Variants in TNFAIP8 observed in about 807,000 individuals in gnomAD.
TNFAIP8 encodes tumor necrosis factor alpha-induced protein 8.
Under a neutral mutation model 13.3 loss-of-function variants are expected in TNFAIP8, and 7 were observed. The observed-to-expected ratio is 0.52, with a 90% CI of 0.30 to 0.99. The LOEUF (loss-of-function observed/expected upper bound fraction) is 0.99. Among genes scored for constraint, TNFAIP8 ranks in the 50% least tolerant of loss-of-function variants. The probability of loss-of-function intolerance (pLI) is 0.07; values close to 1 mark genes in which losing one functional copy is unlikely to be tolerated. For missense variants in TNFAIP8, 258 were observed against 236.9 expected, an observed-to-expected ratio of 1.09 and a Z score of -0.58; for synonymous variants, 94 against 87.6, an observed-to-expected ratio of 1.07 and a Z score of -0.41.
At chr5:119,290,054 T>A (rs1036344307) in intron 1 of TNFAIP8, among the ~76,000 whole-genome samples, 3 of 152,106 alleles carry the variant, frequency 2.0e-5, no homozygotes, top group Non-Finnish European at 4.4e-5. Flanking sequence ...AGTTGAAAAA[T>A]GTTAAAGAAA....
intron 1 of TNFAIP8, among the ~76,000 whole-genome samples, chr5:119,377,483 G>A (rs1161920040): frequency 6.6e-6 from 1 of 152,106 alleles, no homozygotes; most frequent in African/African-American, 2.4e-5. Context: ...CTGCCATAAG[G>A]CTCTTGACTG....
At chr5:119,295,694 G>A (rs1581579723) in intron 1 of TNFAIP8, among the ~76,000 whole-genome samples, 1 of 152,234 alleles carries the variant, frequency 6.6e-6, no homozygotes, top group East Asian at 1.9e-4. Flanking sequence ...GATGGGGATG[G>A]CATTGAATCT....
At chr5:119,374,841 T>G (rs1308500057) in intron 1 of TNFAIP8, among the ~76,000 whole-genome samples, 1 of 152,190 alleles carries the variant, frequency 6.6e-6, no homozygotes, top group Non-Finnish European at 1.5e-5. Context: ...GAAATGTGAA[T>G]TTTTATTGAA....
chr5:119,356,918 A>G (rs1751450181), intron 1 of TNFAIP8, among the ~76,000 whole-genome samples: 1 of 152,110 alleles, frequency 6.6e-6, no homozygotes, highest in Non-Finnish European at 1.5e-5. Flanking sequence ...GGTGGGAGTA[A>G]GGGTGGTTGG....
chr5:119,286,344 T>C (rs59758980), intron 1 of TNFAIP8, among the ~76,000 whole-genome samples: 1,548 of 152,186 alleles, frequency 0.01, 17 homozygotes, highest in African/African-American at 0.035. Context: ...AAGTCCCGGT[T>C]GGCACGGTGG....
intron 1 of TNFAIP8, among the ~76,000 whole-genome samples, chr5:119,294,898 C>T (rs28566911): frequency 0.25 from 37,148 of 150,262 alleles, 4,749 homozygotes; most frequent in East Asian, 0.38. Context: ...GATTGTTTTT[C>T]TCTTGTAAAT....
At chr5:119,390,812 A>C (rs1018108163) in intron 1 of TNFAIP8, among the ~76,000 whole-genome samples, 1 of 151,736 alleles carries the variant, frequency 6.6e-6, no homozygotes, top group Admixed American at 6.6e-5. Context: ...CTTTTCCTCA[A>C]TTTTATTTAA....
chr5:119,280,694 A>G (rs1043845136), intron 1 of TNFAIP8, among the ~76,000 whole-genome samples: 8 of 152,224 alleles, frequency 5.3e-5, no homozygotes, highest in African/African-American at 1.9e-4. Context: ...AGTGGGGGCA[A>G]TTGCAGAATG....
rs1182040170 is a variant in TNFAIP8, at chr5:119,393,528, T to C, written c.*147T>C. The C allele has an allele frequency of 6.8e-6, 6 of 878,940 alleles. No homozygotes were observed. Among genetic ancestry groups the C allele is most frequent in the African/African-American group, 1.7e-5 (1 of 59,040 alleles). 54.4% of individuals were successfully genotyped at this position (878,940 alleles called of 1,614,324 possible). On this transcript the variant is annotated 3_prime_UTR_variant, in exon 2 of 2. Coordinates refer to ENST00000504771, the MANE Select transcript of TNFAIP8 (RefSeq NM_014350.4). The stretch of plus-strand genomic sequence containing the variant: ...TCAGTTGTCAGACATAATGATTTAT[T>C]TGAAGGCTTGTTTTATTTGAAGAAA...
At chr5:119,354,078 T>C (rs532836182), upstream of TNFAIP8, among the ~76,000 whole-genome samples, 5 of 152,296 alleles carry the variant, frequency 3.3e-5, no homozygotes, top group South Asian at 2.1e-4. Context: ...AAAAGCCACT[T>C]GTGACTGGTG....
At chr5:119,330,908 A>G (rs72786141) in intron 1 of TNFAIP8, among the ~76,000 whole-genome samples, 14,385 of 151,772 alleles carry the variant, frequency 0.095, 780 homozygotes, top group African/African-American at 0.16. Flanking sequence ...GTTAGGGGTT[A>G]GGGTACAGAT....
chr5:119,297,899 G>A (rs1749229112), intron 1 of TNFAIP8, among the ~76,000 whole-genome samples: 1 of 152,100 alleles, frequency 6.6e-6, no homozygotes, highest in Non-Finnish European at 1.5e-5. Context: ...TTGGTTTAAA[G>A]TCTGTTTTAT....
chr5:119,293,676 C>A (rs539770020), intron 1 of TNFAIP8, among the ~76,000 whole-genome samples: 1 of 152,134 alleles, frequency 6.6e-6, no homozygotes, highest in East Asian at 1.9e-4. Context: ...TGTACACTTA[C>A]AATGATAAAT....
chr5:119,327,939 C>G (rs1750272598), intron 1 of TNFAIP8, among the ~76,000 whole-genome samples: 1 of 151,906 alleles, frequency 6.6e-6, no homozygotes, highest in Non-Finnish European at 1.5e-5. Context: ...AATACATGAG[C>G]TTAAGAAAAG....
intron 1 of TNFAIP8, among the ~76,000 whole-genome samples, chr5:119,362,490 C>A (rs1316269630): frequency 6.6e-6 from 1 of 152,140 alleles, no homozygotes; most frequent in Non-Finnish European, 1.5e-5. Flanking sequence ...TTCTGAAGTT[C>A]AGTTTCCCCA....
chr5:119,296,575 G>C (rs945738033), intron 1 of TNFAIP8, among the ~76,000 whole-genome samples: 1 of 152,124 alleles, frequency 6.6e-6, no homozygotes, highest in Non-Finnish European at 1.5e-5. Flanking sequence ...AAGGATATTG[G>C]TCTAAAATTC....
chr5:119,304,849 T>C (rs1473874857), intron 1 of TNFAIP8, among the ~76,000 whole-genome samples: 1 of 152,244 alleles, frequency 6.6e-6, no homozygotes, highest in African/African-American at 2.4e-5. Context: ...ATTGAAGTGA[T>C]AAATTCTAAC....
chr5:119,392,235 C>T (rs1274548333), intron 1 of TNFAIP8, among the ~76,000 whole-genome samples: 6 of 152,206 alleles, frequency 3.9e-5, no homozygotes, highest in African/African-American at 1.4e-4. Flanking sequence ...CTTTTTGCAA[C>T]CGGATTATAA....
intron 1 of TNFAIP8, among the ~76,000 whole-genome samples, chr5:119,358,448 A>G (rs1751518584): frequency 6.6e-6 from 1 of 152,212 alleles, no homozygotes; most frequent in Non-Finnish European, 1.5e-5. Context: ...TAAATAATTG[A>G]TTTAATTTTT....
Sources: gnomAD v4.1 joint callset for allele counts (sites outside exome capture counted in the v4.1 genomes callset) on GRCh38, gnomAD v4.1.1 for gene constraint, MANE v1.5 for transcripts, NCBI Gene and HGNC (gene_info 2026-07-23, HGNC 2026-07-21) for gene names.